Variants in PEX3 observed in about 807,000 individuals in gnomAD.
PEX3 encodes the protein peroxin-3.
Under a neutral mutation model 55.8 loss-of-function variants are expected in PEX3, and 30 were observed. The ratio of observed to expected loss-of-function variants is 0.54; its 90% CI spans 0.40 to 0.73. The LOEUF (loss-of-function observed/expected upper bound fraction) is 0.73, where lower values mean the gene tolerates loss of function less well. Among genes scored for constraint, PEX3 ranks in the 30% least tolerant of loss-of-function variants. The probability of loss-of-function intolerance (pLI) is 0.00; values close to 1 mark genes in which losing one functional copy is unlikely to be tolerated. For missense variants in PEX3, 351 were observed against 432.8 expected, an observed-to-expected ratio of 0.81 and a Z score of 1.68; for synonymous variants, 135 against 148.4, an observed-to-expected ratio of 0.91 and a Z score of 0.66.
Position 143,479,193 on chromosome 6 carries a change from G to C in PEX3, c.936G>C (p.Met312Ile). ...TEQDLQHGNS[M>I]NSLSSVSLPL... The stretch of plus-strand genomic sequence containing the variant: ...AGGACCTGCAACATGGTAACTCTAT[G>C]AATAGGTAAGATGACATATAAAAAT... Residue 312 changes from methionine (M) to isoleucine (I), a missense_variant, in exon 10 of 12, where the codon ATG (methionine) becomes ATC (isoleucine). Met to Ile is a conservative substitution (Grantham distance 10). Transcript: ENST00000367591. This position sits in a 1 kb window ranked among gnomAD's most constrained non-coding sequence, Gnocchi z 4.6. 1 of 1,602,152 alleles carries C rather than the reference G, an allele frequency of 6.2e-7. No homozygotes were observed. Among genetic ancestry groups the C allele is most frequent in the Non-Finnish European group, 8.6e-7 (1 of 1,169,432 alleles).
intron 8 of PEX3, among the ~76,000 whole-genome samples, chr6:143,472,604 C>A (rs1780089870): frequency 6.6e-6 from 1 of 152,128 alleles, no homozygotes; most frequent in Non-Finnish European, 1.5e-5. Context: ...ATGTGTAAGA[C>A]ATGTTCATTA....
rs1779987932 is a variant in PEX3 at position 143,466,113 on chromosome 6, G to A, written c.288-2009G>A. Among the ~76,000 whole-genome samples, 2 of 152,178 alleles carry A rather than the reference G, an allele frequency of 1.3e-5. No homozygotes were observed. The highest frequency in any genetic ancestry group is 4.1e-4 in the South Asian group (2 of 4,824). On this transcript the variant is annotated intron_variant, in intron 3 of 11. Transcript: ENST00000367591. The surrounding 1 kb of genome is among the most constrained non-coding windows in gnomAD (Gnocchi z 5.4). ...CCACATAGTACATCCATACAATGGTGTACTACACGTTGGTTAGAAGAGAAA... is the reference window on the plus strand; with the variant it reads ...CCACATAGTACATCCATACAATGGTATACTACACGTTGGTTAGAAGAGAAA...
At chr6:143,470,040 C>T (rs1780049400) in intron 4 of PEX3, among the ~76,000 whole-genome samples, 1 of 152,098 alleles carries the variant, frequency 6.6e-6, no homozygotes, top group Non-Finnish European at 1.5e-5. Flanking sequence ...ACCTCCACCT[C>T]CTGGGTTCAA....
In PEX3 at chr6:143,488,738, T is replaced by TA. The variant is rs1168009363; in HGVS notation, c.1039-404dup. 6.6e-6 allele frequency among the ~76,000 whole-genome samples: 1 copy of TA among 152,142 alleles called. No individual in the cohort carries two copies. The highest frequency in any genetic ancestry group is 6.6e-5 in the Admixed American group (1 of 15,264). ...TGTGTGTATATGTAAAATATGCACT[T>TA]ACTACACATATTCATACCGTATGTT... On this transcript the variant is annotated intron_variant, in intron 11 of 11. Coordinates refer to ENST00000367591, the MANE Select transcript of PEX3 (RefSeq NM_003630.3). The surrounding 1 kb of genome is among the most constrained non-coding windows in gnomAD (Gnocchi z 4.9).
At chr6:143,461,961 A>C (rs1213409666) in intron 2 of PEX3, among the ~76,000 whole-genome samples, 2 of 152,122 alleles carry the variant, frequency 1.3e-5, no homozygotes, top group Non-Finnish European at 2.9e-5. Context: ...AAGAAAAGGA[A>C]TGTGGTGGTC....
rs367990551 is a variant in PEX3 at position 143,451,018 on chromosome 6, C to T, written c.-25C>T. ...GGTGAAGCAGTCCCTCACCCCTAGTCAGCCCACACCCCTAGGGCCTAAAGA... is the reference window on the plus strand; with the variant it reads ...GGTGAAGCAGTCCCTCACCCCTAGTTAGCCCACACCCCTAGGGCCTAAAGA... On this transcript the variant is annotated 5_prime_UTR_variant, in exon 1 of 12. Coordinates refer to ENST00000367591, the MANE Select transcript of PEX3 (RefSeq NM_003630.3). This position sits in a 1 kb window ranked among gnomAD's most constrained non-coding sequence, Gnocchi z 4.1. The T allele has an allele frequency of 1.1e-4, 177 of 1,566,492 alleles. 2 individuals are homozygous for T. The African/African-American group carries it at 1.8e-3, about 16-fold the overall frequency.
chr6:143,455,491 A>AG (rs1340527809), intron 1 of PEX3, among the ~76,000 whole-genome samples: 2 of 149,924 alleles, frequency 1.3e-5, no homozygotes, highest in African/African-American at 4.9e-5. Context: ...CTGGGATTAC[A>AG]GGCATGAGCC....
In PEX3 at chr6:143,465,072, T is replaced by TA. The variant is rs939788156; in HGVS notation, c.287+2077dup. ...AAAAAATCTTAAACATCCTCCATCA[T>TA]AAGAGAAGTAGAACACTTCGAAAAG... On this transcript the variant is annotated intron_variant, in intron 3 of 11. Coordinates refer to ENST00000367591, the MANE Select transcript of PEX3 (RefSeq NM_003630.3). This position sits in a 1 kb window ranked among gnomAD's most constrained non-coding sequence, Gnocchi z 4.7. Among the ~76,000 whole-genome samples the TA allele has an allele frequency of 7.2e-5, 11 of 152,136 alleles. 2 individuals are homozygous for TA. The highest frequency in any genetic ancestry group is 1.9e-4 in the East Asian group (1 of 5,184).
chr6:143,453,292 G>C lies in PEX3; in HGVS notation c.73+2177G>C, dbSNP rs886304245. Among the ~76,000 whole-genome samples, 1 of 152,146 alleles carries C rather than the reference G, an allele frequency of 6.6e-6. No individual in the cohort carries two copies. Among genetic ancestry groups the C allele is most frequent in the African/African-American group, 2.4e-5 (1 of 41,424 alleles). On this transcript the variant is annotated intron_variant, in intron 1 of 11. Transcript: ENST00000367591. This position sits in a 1 kb window ranked among gnomAD's most constrained non-coding sequence, Gnocchi z 4.6. ...TGGAAGAAGAGACACATTTTGACAG[G>C]CTTGAAAGCTGGGTAGTATATCAAC... is the stretch of plus-strand genomic sequence containing the variant.
chr6:143,451,105 G>C lies in PEX3; in HGVS notation c.63G>C (p.Thr21=), dbSNP rs761648809. 6.2e-7 allele frequency: 1 copy of C among 1,611,388 alleles called. No homozygotes were observed. The highest frequency in any genetic ancestry group is 8.5e-7 in the Non-Finnish European group (1 of 1,177,502). The change falls in exon 1 of 12, where the codon ACG becomes ACC. Residue 21 remains threonine (T), a synonymous_variant. Transcript: ENST00000367591. This position sits in a 1 kb window ranked among gnomAD's most constrained non-coding sequence, Gnocchi z 4.1. ...AAAAGAAATGCATCTTCCTGGGCAC[G>C]GTCCTTGGAGGTGGGTGACAACGTG... ...RHKKKCIFLG[T]VLGGVYILGK...
At chr6:143,474,245 C>T (rs548561328) in intron 8 of PEX3, among the ~76,000 whole-genome samples, 7 of 152,040 alleles carry the variant, frequency 4.6e-5, no homozygotes, top group South Asian at 2.1e-4. Context: ...GTCAGGAGTT[C>T]GAGACCAGTC....
chr6:143,468,785 A>G (rs1452348452), intron 4 of PEX3, among the ~76,000 whole-genome samples: 14 of 134,214 alleles, frequency 1.0e-4, no homozygotes, highest in African/African-American at 3.2e-4. Flanking sequence ...TACATTAGGT[A>G]TATCTCCTAA....
At position 143,490,560 on chromosome 6, in the gene PEX3, C is replaced by T; in HGVS notation, c.*1334C>T. ...TGCTAATCTTGGCAAATCTGCCAAG[C>T]ATGTCTTCACCAAGGGATATGGATT... On this transcript the variant is annotated 3_prime_UTR_variant, in exon 12 of 12. Transcript: ENST00000367591. The surrounding 1 kb of genome is among the most constrained non-coding windows in gnomAD (Gnocchi z 6.0). 1.8e-6 allele frequency: 1 copy of T among 549,594 alleles called. No homozygotes were observed. Among genetic ancestry groups the T allele is most frequent in the Non-Finnish European group, 2.9e-6 (1 of 347,048 alleles). The allele number at this position is 549,594 out of a possible 1,614,324, so 34.0% of individuals were successfully genotyped here. A position where few individuals can be genotyped will look rare whatever the true frequency, so the allele number is the denominator to read the frequency against.
At position 143,464,906 on chromosome 6, in the gene PEX3, A is replaced by G. The variant is rs1355055506; in HGVS notation, c.287+1909A>G. Among the ~76,000 whole-genome samples, 1 of 151,844 alleles carries G rather than the reference A, an allele frequency of 6.6e-6. No individual in the cohort carries two copies. The highest frequency in any genetic ancestry group is 1.9e-4 in the East Asian group (1 of 5,192). On this transcript the variant is annotated intron_variant, in intron 3 of 11. Transcript: ENST00000367591. The surrounding 1 kb of genome is among the most constrained non-coding windows in gnomAD (Gnocchi z 5.8). ...TATTTGTGATAATAACTAAGATAAT[A>G]ACTAATGAGAAATAAGTAGATGATT...
chr6:143,453,753 A>T lies in PEX3; in HGVS notation c.73+2638A>T, dbSNP rs1403202938. Among the ~76,000 whole-genome samples, 1 of 152,064 alleles carries T rather than the reference A, an allele frequency of 6.6e-6. No homozygotes were observed. The highest frequency in any genetic ancestry group is 1.5e-5 in the Non-Finnish European group (1 of 68,024). On this transcript the variant is annotated intron_variant, in intron 1 of 11. Coordinates refer to ENST00000367591, the MANE Select transcript of PEX3 (RefSeq NM_003630.3). The surrounding 1 kb of genome is among the most constrained non-coding windows in gnomAD (Gnocchi z 4.6). ...CATCATGCTTGGCTAATTTTTAATTATTTTGTAGAGACAGGGGTCTCACTA... is the reference window on the plus strand; with the variant it reads ...CATCATGCTTGGCTAATTTTTAATTTTTTTGTAGAGACAGGGGTCTCACTA...
Position 143,485,870 on chromosome 6 carries a change from G to A in PEX3, c.1038+622G>A, listed in dbSNP as rs551825602. 6.6e-6 allele frequency among the ~76,000 whole-genome samples: 1 copy of A among 152,218 alleles called. No individual in the cohort carries two copies. The highest frequency in any genetic ancestry group is 2.4e-5 in the African/African-American group (1 of 41,540). On this transcript the variant is annotated intron_variant, in intron 11 of 11. Coordinates refer to ENST00000367591, the MANE Select transcript of PEX3 (RefSeq NM_003630.3). The surrounding 1 kb of genome is among the most constrained non-coding windows in gnomAD (Gnocchi z 5.6). ...AAATAACTTTGAATTTCTGAGTCAT[G>A]TGCAAACTTGGAAACTGTGTTATAA...
chr6:143,481,710 A>AT (rs1269538356), intron 10 of PEX3, among the ~76,000 whole-genome samples: 4 of 152,136 alleles, frequency 2.6e-5, no homozygotes, highest in African/African-American at 9.6e-5. Context: ...TAAAAAATAC[A>AT]TTTTTATATA....
In PEX3 at chr6:143,463,198, C is replaced by A. The variant is rs928414709; in HGVS notation, c.287+201C>A. Among the ~76,000 whole-genome samples the A allele has an allele frequency of 5.9e-5, 9 of 152,126 alleles. No homozygotes were observed. Among genetic ancestry groups the A allele is most frequent in the Admixed American group, 4.6e-4 (7 of 15,274 alleles). On this transcript the variant is annotated intron_variant, in intron 3 of 11. Transcript: ENST00000367591. The surrounding 1 kb of genome is among the most constrained non-coding windows in gnomAD (Gnocchi z 5.7). ...ACTTTTTTGCATAAAGCATTCAAGGCAATGATATTTGTATGTATTGTTTTT... is the reference window on the plus strand; with the variant it reads ...ACTTTTTTGCATAAAGCATTCAAGGAAATGATATTTGTATGTATTGTTTTT...
Position 143,462,867 on chromosome 6 carries a change from G to A in PEX3, c.206-49G>A, listed in dbSNP as rs1338187525. The A allele has an allele frequency of 1.5e-6, 2 of 1,338,558 alleles. No individual in the cohort carries two copies. Among genetic ancestry groups the A allele is most frequent in the Admixed American group, 3.4e-5 (2 of 58,908 alleles). 82.9% of individuals were successfully genotyped at this position (1,338,558 alleles called of 1,614,324 possible). A position where few individuals can be genotyped will look rare whatever the true frequency, so the allele number is the denominator to read the frequency against. ...AAACAATGCGCATTTCTTAGTGAGGGCAGTCATATCACTTGTGACCTTTTT... is the reference window on the plus strand; with the variant it reads ...AAACAATGCGCATTTCTTAGTGAGGACAGTCATATCACTTGTGACCTTTTT... On this transcript the variant is annotated intron_variant, in intron 2 of 11. Transcript: ENST00000367591. The surrounding 1 kb of genome is among the most constrained non-coding windows in gnomAD (Gnocchi z 4.1).
Sources: allele counts gnomAD v4.1 joint callset (sites outside exome capture counted in the v4.1 genomes callset), GRCh38; gene constraint gnomAD v4.1.1; non-coding constraint Gnocchi (gnomAD v3.1); transcripts MANE v1.5; gene names NCBI Gene and HGNC (gene_info 2026-07-23, HGNC 2026-07-21).